The following DDX17 variants were observed in gnomAD, a reference collection of about 807,000 sequenced individuals.
DDX17 encodes DEAD-box helicase 17.
Under a neutral mutation model 80.8 loss-of-function variants are expected in DDX17, and 10 were observed. That is an observed-to-expected ratio of 0.12 (90% CI 0.08 to 0.21). DDX17 has a LOEUF of 0.21. DDX17 is among the 10% of genes least tolerant of loss of function. DDX17 has a pLI of 1.00. For synonymous variants in DDX17, 339 were observed against 336.2 expected, an observed-to-expected ratio of 1.01 and a Z score of -0.09; for missense variants, 586 against 957.4, an observed-to-expected ratio of 0.61 and a Z score of 5.12.
chr22:38,506,206 C>G lies in DDX17; in HGVS notation c.32G>C (p.Cys11Ser). ...TCTCGTCGGAGACGGGAGCAAAACA[C>G]AGAGAATCGGGGCTACAAAGCCGGT... is the stretch of plus-strand genomic sequence containing the variant. The change falls in exon 1 of 13, where the codon TGT (cysteine) becomes TCT (serine). Residue 11 changes from cysteine to serine, a missense_variant. Cys to Ser is a moderately radical substitution (Grantham distance 112). Transcript: ENST00000403230. 1 of 1,607,564 alleles carries G rather than the reference C, an allele frequency of 6.2e-7. No individual in the cohort carries two copies. The highest frequency in any genetic ancestry group is 1.1e-5 in the South Asian group (1 of 90,192).
intron 2 of DDX17, among the ~76,000 whole-genome samples, chr22:38,500,921 G>C (rs1454721316): frequency 6.7e-6 from 1 of 149,086 alleles, no homozygotes; most frequent in Non-Finnish European, 1.5e-5. Flanking sequence ...GCTTGAGCTA[G>C]GGAGTTCAAG....
In DDX17 at chr22:38,501,089, G is replaced by A. The variant is rs201929395; in HGVS notation, c.438+41C>T. The stretch of plus-strand genomic sequence containing the variant: ...TAAACTCTAACCAATATATCTACTT[G>A]GTTCAATAATCTGTACATTAAAACA... On this transcript the variant is annotated intron_variant, in intron 2 of 12. Transcript: ENST00000403230. 3.1e-6 allele frequency: 5 copies of A among 1,594,580 alleles called. No homozygotes were observed. In the East Asian group the frequency reaches 6.8e-5, roughly 22 times the overall value.
intron 1 of DDX17, 170 bp downstream of exon 1, chr22:38,505,781 G>C (rs2089875511): frequency 1.2e-6 from 1 of 837,162 alleles, no homozygotes; most frequent in East Asian, 3.1e-5. Context: ...CGGGTCCCGA[G>C]TGACCCCGGG....
Position 38,498,098 on chromosome 22 carries a change from C to T in DDX17, c.725G>A (p.Gly242Glu). ...AAACACACTTACGATTGGGCCATCT[C>T]CCCTTTCCAAGTATGGCTGGTGGTT... The change falls in exon 5 of 13, where the codon GGA becomes GAA. Residue 242 changes from glycine to glutamate, a missense_variant. Gly to Glu is a moderately conservative substitution (Grantham distance 98). Transcript: ENST00000403230. 2.5e-6 allele frequency: 4 copies of T among 1,614,058 alleles called. No homozygotes were observed. The highest frequency in any genetic ancestry group is 2.5e-6 in the Non-Finnish European group (3 of 1,179,980).
At chr22:38,501,982 T>C (rs963457912) in intron 1 of DDX17, among the ~76,000 whole-genome samples, 4 of 152,234 alleles carry the variant, frequency 2.6e-5, no homozygotes, top group Non-Finnish European at 5.9e-5. Context: ...AGTCCCTCAA[T>C]CTTAGAATAG....
intron 10 of DDX17, 148 bp from the exon 11 acceptor site, chr22:38,492,263 A>G (rs2089720918): frequency 3.3e-6 from 2 of 605,170 alleles, no homozygotes; most frequent in Admixed American, 6.9e-5. Flanking sequence ...AATCTTTATT[A>G]CACTCATATT....
rs372438013 is a variant in DDX17, at chr22:38,498,185, T to C, written c.673-35A>G. 21 of 1,601,802 alleles carry C rather than the reference T, an allele frequency of 1.3e-5. No homozygotes were observed. In the African/African-American group the frequency reaches 2.3e-4, roughly 17 times the overall value. On this transcript the variant is annotated intron_variant, in intron 4 of 12. Transcript: ENST00000403230. ...GGGGAAAGAATGACAACCTTACGCT[T>C]AGAAGTACAATCTTACTTAGATACT...
chr22:38,497,884 T>C (rs545769065), intron 5 of DDX17, among the ~76,000 whole-genome samples: 1 of 152,334 alleles, frequency 6.6e-6, no homozygotes, highest in East Asian at 1.9e-4. Context: ...AGTAAGACTT[T>C]GGTTCAAATG....
At chr22:38,490,443 A>C (rs753191035) in intron 11 of DDX17, 1 of 1,289,336 alleles carries the variant, frequency 7.8e-7, no homozygotes, top group South Asian at 1.2e-5. Flanking sequence ...GCTTCTGTTA[A>C]AAAACAAAAC....
intron 11 of DDX17, 49 bp from the exon 12 acceptor site, chr22:38,488,164 G>A (rs1065365): frequency 9.9e-6 from 16 of 1,612,376 alleles, no homozygotes; most frequent in Non-Finnish European, 1.4e-5. Context: ...GGCAGGGAAA[G>A]AGAAGGTAAA....
At chr22:38,490,574 G>A (rs1444459278) in intron 11 of DDX17, 18 of 673,664 alleles carry the variant, frequency 2.7e-5, no homozygotes, top group Non-Finnish European at 3.7e-5. Flanking sequence ...AAAATTATGG[G>A]AATCAAAGAA....
chr22:38,494,445 T>C, intron 8 of DDX17, 185 bp downstream of exon 8: 1 of 678,946 alleles, frequency 1.5e-6, no homozygotes, highest in Non-Finnish European at 2.4e-6. Flanking sequence ...AACTCAAGAA[T>C]TCAGAATCCT....
At position 38,486,515 on chromosome 22, in the gene DDX17, G is replaced by A. The variant is rs555595729; in HGVS notation, c.1685-75C>T. ...CATAACAATGTAAAAATTCTACTGG[G>A]TACAAAAGTATTAAACATGTCTCCT... On this transcript the variant is annotated intron_variant, in intron 12 of 12. Transcript: ENST00000403230. The A allele has an allele frequency of 2.1e-5, 31 of 1,458,016 alleles. No homozygotes were observed. In the African/African-American group the frequency reaches 3.4e-4, roughly 16 times the overall value. 90.3% of individuals were successfully genotyped at this position (1,458,016 alleles called of 1,614,324 possible). A position where few individuals can be genotyped will look rare whatever the true frequency, so the allele number is the denominator to read the frequency against.
intron 1 of DDX17, chr22:38,505,627 C>A: frequency 3.5e-6 from 1 of 288,686 alleles, no homozygotes; most frequent in Non-Finnish European, 6.4e-6. Flanking sequence ...AGCCGGGAAA[C>A]CAGGCGAGGC....
At position 38,506,095 on chromosome 22, in the gene DDX17, G is replaced by A; in HGVS notation, c.143C>T (p.Ala48Val). 1.3e-6 allele frequency: 2 copies of A among 1,577,166 alleles called. No homozygotes were observed. The highest frequency in any genetic ancestry group is 2.7e-5 in the African/African-American group (2 of 73,998). ...TCTGGTGACGACCGATGGCGGCGGC[G>A]CCTCCGCTGTTGGGGCGGCGGCAGG... is the stretch of plus-strand genomic sequence containing the variant. The change falls in exon 1 of 13, where the codon GCG becomes GTG. Residue 48 changes from alanine to valine, a missense_variant. Around this residue, in one of 4 missense-constraint regions of DDX17, gnomAD observed 215 missense variants for 238.4 expected, o/e 0.90. Coordinates refer to ENST00000403230, the MANE Select transcript of DDX17 (RefSeq NM_006386.5).
At chr22:38,490,678 G>C in intron 11 of DDX17, 1 of 301,236 alleles carries the variant, frequency 3.3e-6, no homozygotes, top group South Asian at 2.8e-5. Flanking sequence ...CTGTCTATGA[G>C]GTAGAAGCCT....
chr22:38,502,328 C>T (rs1471156166), intron 1 of DDX17, among the ~76,000 whole-genome samples: 2 of 151,158 alleles, frequency 1.3e-5, no homozygotes, highest in African/African-American at 2.4e-5. Context: ...GCAGGAGAAC[C>T]GCTGGAACTC....
intron 11 of DDX17, chr22:38,488,321 G>T (rs1187080626): frequency 6.9e-7 from 1 of 1,453,306 alleles, no homozygotes; most frequent in Non-Finnish European, 9.0e-7. Context: ...ACATGCATAG[G>T]AAATAGGATC....
chr22:38,489,848 G>C lies in DDX17; in HGVS notation c.1448-1733C>G, dbSNP rs1238553362. ...CAGGGCCAGGGTGGATGTAAGACAG[G>C]GGGTGGGGAATTCTACTCCATGGTA... On this transcript the variant is annotated intron_variant, in intron 11 of 12. Coordinates refer to ENST00000403230, the MANE Select transcript of DDX17 (RefSeq NM_006386.5). This position sits in a 1 kb window ranked among gnomAD's most constrained non-coding sequence, Gnocchi z 4.6. 2.1e-5 allele frequency: 21 copies of C among 985,834 alleles called. No homozygotes were observed. Among genetic ancestry groups the C allele is most frequent in the Middle Eastern group, 5.2e-4 (1 of 1,938 alleles). The allele number at this position is 985,834 out of a possible 1,614,324, so 61.1% of individuals were successfully genotyped here.
Sources: allele counts gnomAD v4.1 joint callset (sites outside exome capture counted in the v4.1 genomes callset), GRCh38; gene constraint gnomAD v4.1.1; regional missense constraint gnomAD v4.1.1; non-coding constraint Gnocchi (gnomAD v3.1); transcripts MANE v1.5; gene names NCBI Gene and HGNC (gene_info 2026-07-23, HGNC 2026-07-21).